SLC23A3: variants seen among roughly 807,000 people sequenced by gnomAD.
SLC23A3 encodes E2-binding protein 3.
A neutral mutation model predicts 64.7 loss-of-function variants in SLC23A3; 41 were observed. The observed-to-expected ratio is 0.63, with a 90% CI of 0.49 to 0.82. The LOEUF is 0.82. Among genes scored for constraint, SLC23A3 ranks in the 40% least tolerant of loss-of-function variants. The probability of loss-of-function intolerance (pLI) is 0.00; values close to 1 mark genes in which losing one functional copy is unlikely to be tolerated. For synonymous variants in SLC23A3, 281 were observed against 306.8 expected, an observed-to-expected ratio of 0.92 and a Z score of 0.88; for missense variants, 647 against 733.4, an observed-to-expected ratio of 0.88 and a Z score of 1.36.
chr2:219,167,382 G>A (rs1418849005), intron 7 of SLC23A3, among the ~76,000 whole-genome samples: 1 of 152,174 alleles, frequency 6.6e-6, no homozygotes, highest in Non-Finnish European at 1.5e-5. Context: ...ACATAAATGT[G>A]TTCATTGGGT....
At position 219,168,708 on chromosome 2, in the gene SLC23A3, G is replaced by C. The variant is rs772749283; in HGVS notation, c.618C>G (p.Leu206=). 17 of 1,613,756 alleles carry C rather than the reference G, an allele frequency of 1.1e-5. No individual in the cohort carries two copies. In the African/African-American group the frequency reaches 2.0e-4, roughly 19 times the overall value. ...ACTGGGCTACCTCCCTGTGGGCAGA[G>C]AGCCCTGCCACAACCAGGCTGGGAG... is the stretch of plus-strand genomic sequence containing the variant. ...VLAPSLVVAG[L]SAHREVAQFC... The change falls in exon 5 of 12, where the codon CTC becomes CTG. Residue 206 remains leucine (L), a synonymous_variant. Coordinates refer to ENST00000409878, the MANE Select transcript of SLC23A3 (RefSeq NM_001144889.2).
Position 219,169,889 on chromosome 2 carries a change from G to A in SLC23A3, c.96C>T (p.Ser32=), listed in dbSNP as rs758145289. 3.1e-6 allele frequency: 5 copies of A among 1,613,636 alleles called. No homozygotes were observed. Among genetic ancestry groups the A allele is most frequent in the Admixed American group, 1.7e-5 (1 of 59,824 alleles). ...CACACAAAGGGTCCCAAGAGTGGGT[G>A]GAGGGATTCTGGGGAGCAGGTGGAG... is the stretch of plus-strand genomic sequence containing the variant. The part of the protein sequence containing the change: ...PLPPPAPQNP[S]THSWDPLCGS... The change falls in exon 1 of 12, where the codon TCC becomes TCT. Residue 32 remains serine, a synonymous_variant. Transcript: ENST00000409878. The surrounding 1 kb of genome is among the most constrained non-coding windows in gnomAD (Gnocchi z 4.5).
rs1402067131 is a variant in SLC23A3, at chr2:219,169,360, G to C, written c.367C>G (p.Leu123Val). 1 of 1,614,222 alleles carries C rather than the reference G, an allele frequency of 6.2e-7. No individual in the cohort carries two copies. Among genetic ancestry groups the C allele is most frequent in the Non-Finnish European group, 8.5e-7 (1 of 1,180,034 alleles). ...GGTAGCTTCTGGCTGGTCAGCACCA[G>C]AGCAGGGATAAGGAACTCTAAGGAT... ...APSLEFLIPA[L>V]VLTSQKLPRA... The change falls in exon 3 of 12, where the codon CTG (leucine) becomes GTG (valine). Residue 123 changes from leucine (L) to valine (V), a missense_variant. Transcript: ENST00000409878. This position sits in a 1 kb window ranked among gnomAD's most constrained non-coding sequence, Gnocchi z 4.5.
rs1466209950 is a variant in SLC23A3 at position 219,169,806 on chromosome 2, G to A, written c.162+17C>T. The A allele has an allele frequency of 1.9e-6, 3 of 1,613,594 alleles. No homozygotes were observed. The highest frequency in any genetic ancestry group is 2.5e-6 in the Non-Finnish European group (3 of 1,179,816). ...ACACCATCAGGCAGCACCAACTCCT[G>A]CACCTCTGCCTCCTACCTGCAGAGC... On this transcript the variant is annotated intron_variant, in intron 1 of 11. Coordinates refer to ENST00000409878, the MANE Select transcript of SLC23A3 (RefSeq NM_001144889.2). This position sits in a 1 kb window ranked among gnomAD's most constrained non-coding sequence, Gnocchi z 4.5.
intron 8 of SLC23A3, 192 bp downstream of exon 8, chr2:219,164,977 T>C (rs991159994): frequency 2.9e-6 from 2 of 692,166 alleles, no homozygotes; most frequent in African/African-American, 1.8e-5. Flanking sequence ...CAGTGCCTCA[T>C]GCACAGGAGT....
In SLC23A3 at chr2:219,169,923, G is replaced by A. The variant is rs1950045481; in HGVS notation, c.62C>T (p.Ala21Val). The change falls in exon 1 of 12, where the codon GCC (alanine) becomes GTC (valine). Residue 21 changes from alanine (A) to valine (V), a missense_variant. Ala to Val is a moderately conservative substitution (Grantham distance 64, BLOSUM62 0). Transcript: ENST00000409878. The surrounding 1 kb of genome is among the most constrained non-coding windows in gnomAD (Gnocchi z 4.5). The part of the protein sequence containing the change: ...LRSVGSQDAL[A>V]PLPPPAPQNP... ...CTGGGGAGCAGGTGGAGGCAAGGGGGCCAGGGCATCCTGGGAGCCCACTGA... is the reference window on the plus strand; with the variant it reads ...CTGGGGAGCAGGTGGAGGCAAGGGGACCAGGGCATCCTGGGAGCCCACTGA... 1.9e-6 allele frequency: 3 copies of A among 1,613,848 alleles called. No homozygotes were observed. Among genetic ancestry groups the A allele is most frequent in the African/African-American group, 1.3e-5 (1 of 74,896 alleles).
At position 219,162,209 on chromosome 2, in the gene SLC23A3, AAAAG is replaced by A. The variant is rs771342446; in HGVS notation, c.1538-9_1538-6del. ...GGCCTCGCTCAAGCTGTGTGCCTGC[AAAAG>A]AGAGGTTTGTCAGGCTATTGCCCAT... On this transcript the variant is annotated splice_polypyrimidine_tract_variant and splice_region_variant and intron_variant, in intron 11 of 11. Transcript: ENST00000409878. The A allele has an allele frequency of 3.7e-6, 6 of 1,610,584 alleles. No individual in the cohort carries two copies. In the African/African-American group the frequency reaches 8.0e-5, roughly 22 times the overall value.
chr2:219,169,939 A>G lies in SLC23A3; in HGVS notation c.46T>C (p.Ser16Pro). The G allele has an allele frequency of 1.2e-6, 2 of 1,614,018 alleles. No homozygotes were observed. The highest frequency in any genetic ancestry group is 2.2e-5 in the South Asian group (2 of 91,078). ...LNPSQLRSVG[S>P]QDALAPLPPP... ...GGCAAGGGGGCCAGGGCATCCTGGG[A>G]GCCCACTGATCGGAGTTGGCTGGGA... Residue 16 changes from serine to proline, a missense_variant, in exon 1 of 12, where the codon TCC (serine) becomes CCC (proline). Physicochemically the swap from Ser to Pro is moderately conservative, Grantham distance 74. Coordinates refer to ENST00000409878, the MANE Select transcript of SLC23A3 (RefSeq NM_001144889.2). The surrounding 1 kb of genome is among the most constrained non-coding windows in gnomAD (Gnocchi z 4.5).
rs903957833 is a variant in SLC23A3 at position 219,169,886 on chromosome 2, G to T, written c.99C>A (p.Thr33=). The change falls in exon 1 of 12, where the codon ACC becomes ACA. Residue 33 remains threonine (T), a synonymous_variant. Transcript: ENST00000409878. This position sits in a 1 kb window ranked among gnomAD's most constrained non-coding sequence, Gnocchi z 4.5. Reference sequence around the variant, plus strand: ...ATCCACACAAAGGGTCCCAAGAGTGGGTGGAGGGATTCTGGGGAGCAGGTG... The same window carrying T: ...ATCCACACAAAGGGTCCCAAGAGTGTGTGGAGGGATTCTGGGGAGCAGGTG... ...LPPPAPQNPS[T]HSWDPLCGSL... is the part of the protein sequence containing the mutation. 6.2e-7 allele frequency: 1 copy of T among 1,613,620 alleles called. No individual in the cohort carries two copies.
chr2:219,165,540 G>A, intron 7 of SLC23A3, 118 bp from the exon 8 acceptor site: 1 of 1,223,580 alleles, frequency 8.2e-7, no homozygotes. Flanking sequence ...ACAATGTCTT[G>A]GGACAAAACT....
Position 219,169,438 on chromosome 2 carries a change from A to T in SLC23A3, c.321-32T>A. 6.2e-7 allele frequency: 1 copy of T among 1,614,018 alleles called. No homozygotes were observed. Among genetic ancestry groups the T allele is most frequent in the East Asian group, 2.2e-5 (1 of 44,880 alleles). On this transcript the variant is annotated intron_variant, in intron 2 of 11. Coordinates refer to ENST00000409878, the MANE Select transcript of SLC23A3 (RefSeq NM_001144889.2). The surrounding 1 kb of genome is among the most constrained non-coding windows in gnomAD (Gnocchi z 4.5). ...GAACAGCAGCCCCAGCAGGTCTGGG[A>T]CTATGTGGCAGCCAGCAAGGCTCCC...
At position 219,168,286 on chromosome 2, in the gene SLC23A3, T is replaced by G. The variant is rs1574761654; in HGVS notation, c.707A>C (p.His236Pro). 1 of 1,612,498 alleles carries G rather than the reference T, an allele frequency of 6.2e-7. No individual in the cohort carries two copies. The highest frequency in any genetic ancestry group is 8.5e-7 in the Non-Finnish European group (1 of 1,179,284). Residue 236 changes from histidine to proline, a missense_variant, in exon 6 of 12, where the codon CAC (histidine) becomes CCC (proline). By Grantham distance (77) the His-to-Pro change is moderately conservative (BLOSUM62 -2). Coordinates refer to ENST00000409878, the MANE Select transcript of SLC23A3 (RefSeq NM_001144889.2). ...CACATGAAACTGGCAGGAGCCCAGG[T>G]GCTGAGAACAGACCACCATGAGCAG... ...VILLMVVCSQ[H>P]LGSCQFHVCP...
chr2:219,164,732 G>T (rs963549789), intron 8 of SLC23A3: 2 of 233,974 alleles, frequency 8.5e-6, no homozygotes, highest in Non-Finnish European at 1.7e-5. Context: ...GCTAATTTTT[G>T]TATTTTTAGT....
rs764279704 is a variant in SLC23A3, at chr2:219,169,614, G to T, written c.227C>A (p.Pro76Gln). Residue 76 changes from proline (P) to glutamine (Q), a missense_variant, in exon 2 of 12, where the codon CCA (proline) becomes CAA (glutamine). Pro to Gln is a moderately conservative substitution (Grantham distance 76). Coordinates refer to ENST00000409878, the MANE Select transcript of SLC23A3 (RefSeq NM_001144889.2). The surrounding 1 kb of genome is among the most constrained non-coding windows in gnomAD (Gnocchi z 4.5). ...SHLLLLCSLSPGGLSYSPSQL... is the reference protein window; with the variant it reads ...SHLLLLCSLSQGGLSYSPSQL... ...AGAAGGGGAGTAAGAGAGTCCTCCT[G>T]GGGAGAGACTGCAAAGCAGGAGCAG... The T allele has an allele frequency of 2.5e-6, 4 of 1,614,186 alleles. No homozygotes were observed. The highest frequency in any genetic ancestry group is 3.4e-6 in the Non-Finnish European group (4 of 1,180,026).
Position 219,169,455 on chromosome 2 carries a change from A to G in SLC23A3, c.321-49T>C, listed in dbSNP as rs533883566. ...GGTCTGGGACTATGTGGCAGCCAGC[A>G]AGGCTCCCCCAAACCTCTCCTACCC... On this transcript the variant is annotated intron_variant, in intron 2 of 11. Coordinates refer to ENST00000409878, the MANE Select transcript of SLC23A3 (RefSeq NM_001144889.2). The surrounding 1 kb of genome is among the most constrained non-coding windows in gnomAD (Gnocchi z 4.5). 1 of 1,613,716 alleles carries G rather than the reference A, an allele frequency of 6.2e-7. No individual in the cohort carries two copies. Among genetic ancestry groups the G allele is most frequent in the South Asian group, 1.1e-5 (1 of 91,060 alleles).
chr2:219,169,635 A>G lies in SLC23A3; in HGVS notation c.206T>C (p.Leu69Pro). 1.2e-6 allele frequency: 2 copies of G among 1,614,216 alleles called. No individual in the cohort carries two copies. Among genetic ancestry groups the G allele is most frequent in the Non-Finnish European group, 1.7e-6 (2 of 1,180,026 alleles). The change falls in exon 2 of 12, where the codon CTC becomes CCC. Residue 69 changes from leucine (L) to proline (P), a missense_variant. By Grantham distance (98) the Leu-to-Pro change is moderately conservative (BLOSUM62 -3). Coordinates refer to ENST00000409878, the MANE Select transcript of SLC23A3 (RefSeq NM_001144889.2). The surrounding 1 kb of genome is among the most constrained non-coding windows in gnomAD (Gnocchi z 4.5). ...TCCTGGGGAGAGACTGCAAAGCAGG[A>G]GCAGGTGGGAGACACAGAGCAGAGA... ...MASLLCVSHL[L>P]LLCSLSPGGL...
At position 219,161,922 on chromosome 2, in the gene SLC23A3, C is replaced by G; in HGVS notation, c.1820G>C (p.Arg607Thr). 6.4e-7 allele frequency: 1 copy of G among 1,570,974 alleles called. No individual in the cohort carries two copies. The highest frequency in any genetic ancestry group is 2.3e-5 in the East Asian group (1 of 44,436). ...PCPESSREGF[R>T]SQK ...TAGGCGTTCTGGTCATTTCTGGGAC[C>G]TAAACCCTTCTCTGCTAGATTCAGG... The change falls in exon 12 of 12, where the codon AGG becomes ACG. Residue 607 changes from arginine (R) to threonine (T), a missense_variant. Transcript: ENST00000409878.
intron 7 of SLC23A3, 145 bp downstream of exon 7, chr2:219,167,785 C>CT: frequency 1.5e-6 from 1 of 658,488 alleles, no homozygotes. Context: ...CTAGCATTGT[C>CT]TGTCTCTCAG....
chr2:219,161,937 C>T lies in SLC23A3; in HGVS notation c.1805G>A (p.Ser602Asn). The T allele has an allele frequency of 6.3e-7, 1 of 1,590,622 alleles. No homozygotes were observed. The change falls in exon 12 of 12, where the codon AGC (serine) becomes AAC (asparagine). Residue 602 changes from serine (S) to asparagine (N), a missense_variant. Coordinates refer to ENST00000409878, the MANE Select transcript of SLC23A3 (RefSeq NM_001144889.2). Reference protein sequence around the residue: ...PGSGEPCPESSREGFRSQK With the variant: ...PGSGEPCPESNREGFRSQK Reference sequence around the variant, plus strand: ...TTTCTGGGACCTAAACCCTTCTCTGCTAGATTCAGGGCATGGCTCCCCTGA... The same window carrying T: ...TTTCTGGGACCTAAACCCTTCTCTGTTAGATTCAGGGCATGGCTCCCCTGA...
Sources: allele counts gnomAD v4.1 joint callset (sites outside exome capture counted in the v4.1 genomes callset), GRCh38; gene constraint gnomAD v4.1.1; non-coding constraint Gnocchi (gnomAD v3.1); transcripts MANE v1.5; gene names NCBI Gene and HGNC (gene_info 2026-07-23, HGNC 2026-07-21).